The following SEMA6D variants were observed in gnomAD, a reference collection of about 807,000 sequenced individuals.
The protein encoded by SEMA6D is semaphorin 6D.
SEMA6D carries 35 observed loss-of-function variants against 106.6 expected under a neutral mutation model. That is an observed-to-expected ratio of 0.33 (90% CI 0.25 to 0.44). The LOEUF (loss-of-function observed/expected upper bound fraction) is 0.44. SEMA6D is among the 20% of genes least tolerant of loss of function. The probability of loss-of-function intolerance (pLI) is 1.00; values close to 1 mark genes in which losing one functional copy is unlikely to be tolerated. For synonymous variants in SEMA6D, 499 were observed against 487.7 expected (o/e 1.02, Z -0.31); for missense variants, 1,185 against 1,345.9 (o/e 0.88, Z 1.87).
chr15:47,339,723 G>C (rs985223349), intron 1 of SEMA6D, among the ~76,000 whole-genome samples: 4 of 152,110 alleles, frequency 2.6e-5, no homozygotes, highest in Admixed American at 1.3e-4. Context: ...GCCGGGTGTG[G>C]TGTCACATGC....
At chr15:47,346,983 A>T (rs1337900703) in intron 1 of SEMA6D, among the ~76,000 whole-genome samples, 6 of 151,836 alleles carry the variant, frequency 4.0e-5, no homozygotes. Context: ...ATCTCAGCTC[A>T]CTGCAACTTC....
Position 47,773,122 on chromosome 15 carries a change from T to G in SEMA6D, c.*1337T>G, listed in dbSNP as rs1020781029. The G allele has an allele frequency of 1.3e-5, 2 of 152,586 alleles. No homozygotes were observed. Among genetic ancestry groups the G allele is most frequent in the African/African-American group, 4.8e-5 (2 of 41,436 alleles). The allele number at this position is 152,586 out of a possible 1,614,324, so 9.5% of individuals were successfully genotyped here. On this transcript the variant is annotated 3_prime_UTR_variant, in exon 19 of 19. Coordinates refer to ENST00000536845, the MANE Select transcript of SEMA6D (RefSeq NM_001358351.3). ...TAGAAGTACTAAAATCTGTCAAGTG[T>G]TTTCAGTATAGCACATTATTTACTG... is the stretch of plus-strand genomic sequence containing the variant.
At chr15:47,547,155 A>G (rs550530258) in intron 3 of SEMA6D, among the ~76,000 whole-genome samples, 2 of 152,166 alleles carry the variant, frequency 1.3e-5, no homozygotes, top group African/African-American at 4.8e-5. Flanking sequence ...TTTCTTATAC[A>G]TCTTGAGCTA....
intron 1 of SEMA6D, among the ~76,000 whole-genome samples, chr15:47,749,404 G>A (rs1423352555): frequency 7.2e-5 from 11 of 152,144 alleles, no homozygotes; most frequent in African/African-American, 1.9e-4. Context: ...CTTGTCAGGC[G>A]CAAGGGGTTT....
intron 4 of SEMA6D, among the ~76,000 whole-genome samples, chr15:47,614,324 T>C (rs2076967680): frequency 6.6e-6 from 1 of 152,182 alleles, no homozygotes; most frequent in African/African-American, 2.4e-5. Flanking sequence ...TTTTGTCAGC[T>C]CCCTCCAGTC....
At position 47,304,433 on chromosome 15, in the gene SEMA6D, T is replaced by TAAAAAAAAAAA. The variant is rs56185341; in HGVS notation, c.-238-107934_-238-107924dup. 3.8e-4 allele frequency among the ~76,000 whole-genome samples: 36 copies of TAAAAAAAAAAA among 93,830 alleles called. 2 individuals carry two copies. The highest frequency in any genetic ancestry group is 1.8e-3 in the African/African-American group (29 of 16,338). 61.6% of individuals were successfully genotyped at this position (93,830 alleles called of 152,430 possible). A position where few individuals can be genotyped will look rare whatever the true frequency, so the allele number is the denominator to read the frequency against. On this transcript the variant is annotated intron_variant, in intron 1 of 19. Coordinates refer to the SEMA6D transcript ENST00000558014. Reference sequence around the variant, plus strand: ...TGCACTCCAGCCTGAGCCTTCTAACTAAAAAAAAAAAAAAAAAAAAAAAAA... The same window carrying TAAAAAAAAAAA: ...TGCACTCCAGCCTGAGCCTTCTAACTAAAAAAAAAAAAAAAAAAAAAAAAAAAAAAAAAAAA...
chr15:47,454,085 A>T (rs1353316211), intron 2 of SEMA6D, among the ~76,000 whole-genome samples: 1 of 151,856 alleles, frequency 6.6e-6, no homozygotes, highest in African/African-American at 2.4e-5. Flanking sequence ...AACATATTTA[A>T]AACAGTACAG....
intron 1 of SEMA6D, among the ~76,000 whole-genome samples, chr15:47,309,508 G>A (rs4774491): frequency 0.99 from 150,593 of 152,312 alleles, 74,459 homozygotes; most frequent in Middle Eastern, 1. Flanking sequence ...TGGAAATGCC[G>A]AAGAGAAGCC....
chr15:47,691,524 G>C (rs2078822355), intron 4 of SEMA6D, among the ~76,000 whole-genome samples: 1 of 152,180 alleles, frequency 6.6e-6, no homozygotes, highest in African/African-American at 2.4e-5. Context: ...TGTTGGACAA[G>C]TCTTTAACCT....
chr15:47,685,182 T>C (rs2078443113), intron 4 of SEMA6D, among the ~76,000 whole-genome samples: 1 of 152,232 alleles, frequency 6.6e-6, no homozygotes, highest in African/African-American at 2.4e-5. Context: ...TTGTGAGCAT[T>C]AAGTATCTTT....
chr15:47,747,009 T>TATATATA (rs1555422803), intron 1 of SEMA6D, among the ~76,000 whole-genome samples: 2 of 150,350 alleles, frequency 1.3e-5, no homozygotes, highest in East Asian at 1.9e-4. Context: ...TATATTTCGA[T>TATATATA]TGTAGAAGGT....
At chr15:47,515,248 A>T (rs1056805151) in intron 3 of SEMA6D, among the ~76,000 whole-genome samples, 1 of 152,132 alleles carries the variant, frequency 6.6e-6, no homozygotes, top group East Asian at 1.9e-4. Context: ...AGAGTACCCA[A>T]TTCCGCTTGT....
intron 2 of SEMA6D, among the ~76,000 whole-genome samples, chr15:47,468,697 CCTTA>C (rs2042734646): frequency 2.0e-5 from 3 of 152,168 alleles, no homozygotes; most frequent in African/African-American, 4.8e-5. Context: ...CGGCACTTTT[CCTTA>C]CTTATCTTCT....
chr15:47,708,979 AC>A (rs373593674), intron 4 of SEMA6D, among the ~76,000 whole-genome samples: 11 of 151,728 alleles, frequency 7.2e-5, no homozygotes, highest in African/African-American at 2.4e-4. Context: ...CATTTGTGCC[AC>A]CAGATCTACT....
chr15:47,306,024 C>T (rs2036216592), intron 1 of SEMA6D, among the ~76,000 whole-genome samples: 1 of 151,992 alleles, frequency 6.6e-6, no homozygotes, highest in Admixed American at 6.6e-5. Context: ...GCTCCGTTGC[C>T]AGGCTAGAGT....
chr15:47,577,365 C>A (rs938212341), intron 3 of SEMA6D, among the ~76,000 whole-genome samples: 19 of 152,194 alleles, frequency 1.2e-4, no homozygotes, highest in African/African-American at 4.6e-4. Flanking sequence ...CAAATTTTTC[C>A]ACAGCAGTGT....
intron 1 of SEMA6D, among the ~76,000 whole-genome samples, chr15:47,348,604 A>G (rs2038140363): frequency 6.6e-6 from 1 of 151,752 alleles, no homozygotes; most frequent in South Asian, 2.1e-4. Context: ...GGTGTACAAG[A>G]GAACTTCAAC....
intron 1 of SEMA6D, among the ~76,000 whole-genome samples, chr15:47,324,637 A>G (rs1414739166): frequency 6.6e-6 from 1 of 150,968 alleles, no homozygotes; most frequent in Non-Finnish European, 1.5e-5. Flanking sequence ...ACACATATAT[A>G]TGTGTCTGTA....
chr15:47,703,755 A>G lies in SEMA6D; in HGVS notation c.-54-55990A>G, dbSNP rs1153824. Among the ~76,000 whole-genome samples, 465 of 152,316 alleles carry G rather than the reference A, an allele frequency of 3.1e-3. 3 individuals are homozygous for G. The highest frequency in any genetic ancestry group is 0.011 in the African/African-American group (451 of 41,574). On this transcript the variant is annotated intron_variant, in intron 4 of 19. Transcript: ENST00000558014. ...AGTATGGTTAGGTCCAATACTAAAC[A>G]ATGGCCTAGTTCTCTCTCTTTTTCA...
Sources: gnomAD v4.1 joint callset for allele counts (sites outside exome capture counted in the v4.1 genomes callset) on GRCh38, gnomAD v4.1.1 for gene constraint, MANE v1.5 for transcripts, NCBI Gene and HGNC (gene_info 2026-07-23, HGNC 2026-07-21) for gene names.